The following TTC27 variants were observed in gnomAD, a reference collection of about 807,000 sequenced individuals.
TTC27 encodes tetratricopeptide repeat protein 27.
TTC27 carries 79 observed loss-of-function variants against 115.9 expected under a neutral mutation model. That is an observed-to-expected ratio of 0.68 (90% confidence interval 0.57 to 0.82). The LOEUF (loss-of-function observed/expected upper bound fraction) is 0.82, where lower values mean the gene tolerates loss of function less well. Among genes scored for constraint, TTC27 ranks in the 40% least tolerant of loss-of-function variants. The probability of loss-of-function intolerance (pLI) is 0.00; values close to 1 mark genes in which losing one functional copy is unlikely to be tolerated. For missense variants in TTC27, 1,054 were observed against 993.1 expected, an observed-to-expected ratio of 1.06 and a Z score of -0.82; for synonymous variants, 401 against 356.0, an observed-to-expected ratio of 1.13 and a Z score of -1.42.
At chr2:32,772,922 A>T (rs1669877504) in intron 13 of TTC27, among the ~76,000 whole-genome samples, 1 of 152,136 alleles carries the variant, frequency 6.6e-6, no homozygotes, top group Non-Finnish European at 1.5e-5. Flanking sequence ...TGGGGAACTG[A>T]GACTCATAGG....
At chr2:32,652,547 C>T (rs1665168178) in intron 5 of TTC27, among the ~76,000 whole-genome samples, 2 of 152,006 alleles carry the variant, frequency 1.3e-5, no homozygotes. Flanking sequence ...CAGTTCTTTT[C>T]TATATTATAT....
intron 16 of TTC27, among the ~76,000 whole-genome samples, chr2:32,802,298 C>A (rs1572628034): frequency 6.6e-6 from 1 of 151,666 alleles, no homozygotes; most frequent in East Asian, 1.9e-4. Context: ...TTTAAAGTTA[C>A]CAATTTTTTT....
At chr2:32,684,485 T>A (rs950230154) in intron 9 of TTC27, among the ~76,000 whole-genome samples, 1 of 152,130 alleles carries the variant, frequency 6.6e-6, no homozygotes, top group African/African-American at 2.4e-5. Context: ...GAATTGATAC[T>A]GGCAGCTTGC....
rs75402501 is a variant in TTC27 at position 32,673,072 on chromosome 2, C to A, written c.1052+688C>A. ...TATGTATTACATTTAGTTTTCTTGT[C>A]TCTTTAGTCTTTGTCAGTCTGGAAT... On this transcript the variant is annotated intron_variant, in intron 8 of 19. Transcript: ENST00000317907. Among the ~76,000 whole-genome samples the A allele has an allele frequency of 9.4e-3, 1,438 of 152,188 alleles. 10 individuals carry two copies. The highest frequency in any genetic ancestry group is 0.041 in the Middle Eastern group (12 of 294).
chr2:32,657,147 G>A (rs905692512), intron 5 of TTC27, among the ~76,000 whole-genome samples: 5 of 151,654 alleles, frequency 3.3e-5, no homozygotes, highest in Non-Finnish European at 4.4e-5. Flanking sequence ...CACCGTGCCC[G>A]GCTAATTTTT....
chr2:32,722,182 A>G (rs571813350), intron 10 of TTC27, among the ~76,000 whole-genome samples: 1 of 152,360 alleles, frequency 6.6e-6, no homozygotes, highest in South Asian at 2.1e-4. Flanking sequence ...TGCCTCATGT[A>G]TAGTACAGCA....
chr2:32,809,439 C>G (rs1002786021), intron 16 of TTC27, among the ~76,000 whole-genome samples: 2 of 152,216 alleles, frequency 1.3e-5, no homozygotes, highest in Non-Finnish European at 2.9e-5. Flanking sequence ...CCTTGCTTCT[C>G]GAAGTGTGCC....
At chr2:32,668,956 G>A (rs1665903973) in intron 7 of TTC27, among the ~76,000 whole-genome samples, 2 of 152,010 alleles carry the variant, frequency 1.3e-5, no homozygotes, top group South Asian at 2.1e-4. Context: ...GCAGGCGCCT[G>A]TAGTCCCAGC....
intron 7 of TTC27, among the ~76,000 whole-genome samples, chr2:32,669,196 T>C (rs1665914986): frequency 6.6e-6 from 1 of 152,226 alleles, no homozygotes; most frequent in Non-Finnish European, 1.5e-5. Flanking sequence ...TTCACCGTGT[T>C]GCCCAGGCTG....
intron 9 of TTC27, among the ~76,000 whole-genome samples, chr2:32,682,841 A>ATT (rs1559204114): frequency 1.1e-3 from 87 of 77,484 alleles, no homozygotes; most frequent in Non-Finnish European, 1.3e-3. Context: ...GATAATTTTT[A>ATT]TTGTTGTTTT....
At chr2:32,703,605 A>G (rs757626650) in intron 10 of TTC27, among the ~76,000 whole-genome samples, 2 of 152,240 alleles carry the variant, frequency 1.3e-5, no homozygotes, top group Non-Finnish European at 2.9e-5. Context: ...GATGCAAAAA[A>G]TATTCACTAA....
intron 16 of TTC27, among the ~76,000 whole-genome samples, chr2:32,793,289 T>C (rs1286169864): frequency 6.6e-6 from 1 of 152,172 alleles, no homozygotes; most frequent in Admixed American, 6.5e-5. Flanking sequence ...AAGAATCCTT[T>C]ATCTGGCAAA....
chr2:32,715,715 C>T (rs1572542730), intron 10 of TTC27, among the ~76,000 whole-genome samples: 1 of 152,088 alleles, frequency 6.6e-6, no homozygotes, highest in African/African-American at 2.4e-5. Flanking sequence ...CACTCATGAC[C>T]TATCTCATTA....
chr2:32,801,777 C>G (rs1229188634), intron 16 of TTC27, among the ~76,000 whole-genome samples: 2 of 152,158 alleles, frequency 1.3e-5, no homozygotes, highest in Non-Finnish European at 2.9e-5. Flanking sequence ...AGACCTCAAC[C>G]ACTCCTATGA....
At chr2:32,747,366 T>G (rs751757440) in intron 12 of TTC27, among the ~76,000 whole-genome samples, 6 of 152,216 alleles carry the variant, frequency 3.9e-5, no homozygotes, top group Non-Finnish European at 8.8e-5. Context: ...TACCCCTAAC[T>G]TACTGAACAT....
chr2:32,800,985 TACTC>T (rs988181070), intron 16 of TTC27, among the ~76,000 whole-genome samples: 3 of 152,330 alleles, frequency 2.0e-5, no homozygotes, highest in East Asian at 1.9e-4. Flanking sequence ...ATTTAAAACT[TACTC>T]ACGTGCAAAA....
At position 32,672,311 on chromosome 2, in the gene TTC27, A is replaced by C. The variant is rs1666041417; in HGVS notation, c.979A>C (p.Lys327Gln). 10 of 1,613,906 alleles carry C rather than the reference A, an allele frequency of 6.2e-6. 1 individual carries two copies. The East Asian group carries it at 2.2e-4, about 36-fold the overall frequency. The change falls in exon 8 of 20, where the codon AAG (lysine) becomes CAG (glutamine). Residue 327 changes from lysine to glutamine, a missense_variant. By Grantham distance (53) the Lys-to-Gln change is moderately conservative (BLOSUM62 1). Coordinates refer to ENST00000317907, the MANE Select transcript of TTC27 (RefSeq NM_017735.5). ...TGATGACACCATTCTGAATGACATAAAGTTAGCAGATTGTGAACAGTTCCA... is the reference window on the plus strand; with the variant it reads ...TGATGACACCATTCTGAATGACATACAGTTAGCAGATTGTGAACAGTTCCA... ...LNDDTILNDI[K>Q]LADCEQFQMP...
chr2:32,719,808 C>T (rs891318940), intron 10 of TTC27, among the ~76,000 whole-genome samples: 3 of 152,056 alleles, frequency 2.0e-5, no homozygotes, highest in African/African-American at 7.2e-5. Flanking sequence ...CCTGTGGAGG[C>T]ACAGTACCGG....
At chr2:32,782,075 C>A (rs1408622904) in intron 14 of TTC27, among the ~76,000 whole-genome samples, 1 of 152,024 alleles carries the variant, frequency 6.6e-6, no homozygotes, top group Non-Finnish European at 1.5e-5. Context: ...TTGTTTGAAT[C>A]AACATTTGTA....
Sources: allele counts gnomAD v4.1 joint callset (sites outside exome capture counted in the v4.1 genomes callset), GRCh38; gene constraint gnomAD v4.1.1; transcripts MANE v1.5; gene names NCBI Gene and HGNC (gene_info 2026-07-23, HGNC 2026-07-21).